Variants in WIF1 observed in about 807,000 individuals in gnomAD.
WIF1 encodes the protein Wnt inhibitory factor 1.
Under a neutral mutation model 53.5 loss-of-function variants are expected in WIF1, and 35 were observed. The ratio of observed to expected loss-of-function variants is 0.65; its 90% CI spans 0.50 to 0.87. WIF1 has a LOEUF of 0.87. WIF1 is among the 40% of genes least tolerant of loss of function. The pLI, the probability that WIF1 is intolerant of heterozygous loss-of-function variation, is 0.00. For synonymous variants in WIF1, 171 were observed against 170.4 expected (o/e 1.00, Z -0.03); for missense variants, 467 against 476.8 (o/e 0.98, Z 0.19).
chr12:65,113,675 C>T (rs1164941783), intron 2 of WIF1, among the ~76,000 whole-genome samples: 1 of 152,102 alleles, frequency 6.6e-6, no homozygotes, highest in African/African-American at 2.4e-5. Context: ...AGATGGCTGG[C>T]ACATGCCTGC....
intron 2 of WIF1, among the ~76,000 whole-genome samples, chr12:65,090,455 T>G (rs1355995942): frequency 6.6e-6 from 1 of 152,144 alleles, no homozygotes; most frequent in African/African-American, 2.4e-5. Context: ...GCTTGCAGGC[T>G]GGAAGGGAGC....
At chr12:65,077,548 G>A (rs1288812751) in intron 3 of WIF1, among the ~76,000 whole-genome samples, 198 bp downstream of exon 3, 2 of 151,950 alleles carry the variant, frequency 1.3e-5, no homozygotes, top group African/African-American at 2.4e-5. Context: ...TGAATCTTTA[G>A]AAAATTATAT....
At position 65,050,852 on chromosome 12, in the gene WIF1, G is replaced by C. The variant is rs73329366; in HGVS notation, c.*497C>G. 25 of 206,900 alleles carry C rather than the reference G, an allele frequency of 1.2e-4. No individual in the cohort carries two copies. The highest frequency in any genetic ancestry group is 5.5e-4 in the African/African-American group (24 of 43,722). The allele number at this position is 206,900 out of a possible 1,614,324, so 12.8% of individuals were successfully genotyped here. On this transcript the variant is annotated 3_prime_UTR_variant, in exon 10 of 10. Coordinates refer to ENST00000286574, the MANE Select transcript of WIF1 (RefSeq NM_007191.5). ...TTAATACTGAATCTCTGGAATAATG[G>C]TAAGGTCAAAATATATTGTATTGAG...
At chr12:65,105,161 T>C (rs556480063) in intron 2 of WIF1, among the ~76,000 whole-genome samples, 9 of 152,154 alleles carry the variant, frequency 5.9e-5, no homozygotes, top group African/African-American at 2.2e-4. Flanking sequence ...TTCAGCTGTG[T>C]CTCTGGTGGT....
At chr12:65,093,425 C>T (rs1353436302) in intron 2 of WIF1, among the ~76,000 whole-genome samples, 1 of 152,062 alleles carries the variant, frequency 6.6e-6, no homozygotes, top group African/African-American at 2.4e-5. Flanking sequence ...TTAGGACACA[C>T]CTGAGCCCTC....
rs903314555 is a variant in WIF1 at position 65,101,724 on chromosome 12, A to G, written c.288+18693T>C. Among the ~76,000 whole-genome samples the G allele has an allele frequency of 4.6e-5, 7 of 152,226 alleles. No homozygotes were observed. The East Asian group carries it at 1.3e-3, about 29-fold the overall frequency. ...TTAGAGTTGAAAATAAAAAACCCTT[A>G]TAATTTGCCAATGAGGACAAAAGTG... On this transcript the variant is annotated intron_variant, in intron 2 of 9. Transcript: ENST00000286574.
intron 1 of WIF1, 34 bp downstream of exon 1, chr12:65,121,010 A>T: frequency 7.0e-7 from 1 of 1,430,740 alleles, no homozygotes; most frequent in Non-Finnish European, 9.2e-7. Flanking sequence ...AGGAGGACAT[A>T]GGCAGGGGAA....
At chr12:65,060,961 A>G (rs1288279739) in intron 7 of WIF1, among the ~76,000 whole-genome samples, 3 of 152,292 alleles carry the variant, frequency 2.0e-5, no homozygotes, top group Admixed American at 2.0e-4. Context: ...AGATTCATAA[A>G]CCTAAGAACA....
intron 2 of WIF1, among the ~76,000 whole-genome samples, chr12:65,094,389 T>C (rs1414005354): frequency 1.3e-5 from 2 of 152,190 alleles, no homozygotes; most frequent in Admixed American, 1.3e-4. Flanking sequence ...AAAGACATGC[T>C]CTCATGTGAA....
chr12:65,072,013 G>A (rs1424393166), intron 3 of WIF1, among the ~76,000 whole-genome samples: 1 of 151,818 alleles, frequency 6.6e-6, no homozygotes, highest in Non-Finnish European at 1.5e-5. Flanking sequence ...AACCCTACTT[G>A]TCTTCGTTTC....
Position 65,063,571 on chromosome 12 carries a change from G to GA in WIF1, c.731-996dup, listed in dbSNP as rs199576071. Among the ~76,000 whole-genome samples, 16 of 150,358 alleles carry GA rather than the reference G, an allele frequency of 1.1e-4. No individual in the cohort carries two copies. The East Asian group carries it at 1.6e-3, about 15-fold the overall frequency. On this transcript the variant is annotated intron_variant, in intron 6 of 9. Transcript: ENST00000286574. ...TTCTAAGTGTATGCTTTCTTTGTGG[G>GA]AAAAAAAAAGTCCACAAAGCAAAAT...
intron 2 of WIF1, among the ~76,000 whole-genome samples, chr12:65,105,359 G>A (rs1883337654): frequency 6.6e-6 from 1 of 152,160 alleles, no homozygotes; most frequent in Non-Finnish European, 1.5e-5. Context: ...CTTAACATTG[G>A]TGTACTTCAC....
At chr12:65,094,695 A>G (rs750876251) in intron 2 of WIF1, among the ~76,000 whole-genome samples, 20 of 152,292 alleles carry the variant, frequency 1.3e-4, no homozygotes, top group Non-Finnish European at 2.6e-4. Flanking sequence ...TGTACTAAAC[A>G]TGAGATCTTT....
chr12:65,088,516 A>G (rs1883076031), intron 2 of WIF1, among the ~76,000 whole-genome samples: 1 of 152,118 alleles, frequency 6.6e-6, no homozygotes, highest in Non-Finnish European at 1.5e-5. Context: ...CCATGGCCTC[A>G]GTTTTCTTGC....
chr12:65,052,700 G>C (rs1199733153), intron 9 of WIF1, among the ~76,000 whole-genome samples: 2 of 152,140 alleles, frequency 1.3e-5, no homozygotes, highest in East Asian at 3.9e-4. Flanking sequence ...TCAAGCACCA[G>C]GTCATCTTCT....
chr12:65,119,515 T>C (rs1883564051), intron 2 of WIF1, among the ~76,000 whole-genome samples: 1 of 152,224 alleles, frequency 6.6e-6, no homozygotes, highest in Non-Finnish European at 1.5e-5. Context: ...TTTTATAAAG[T>C]GTTTTCGGTA....
intron 6 of WIF1, among the ~76,000 whole-genome samples, chr12:65,065,953 T>C (rs980081896): frequency 2.0e-5 from 3 of 152,128 alleles, no homozygotes; most frequent in Non-Finnish European, 2.9e-5. Flanking sequence ...GGGATGTGAT[T>C]TGTGAGCAGA....
At chr12:65,108,122 G>T (rs1482582117) in intron 2 of WIF1, among the ~76,000 whole-genome samples, 1 of 152,142 alleles carries the variant, frequency 6.6e-6, no homozygotes, top group African/African-American at 2.4e-5. Flanking sequence ...TCTTCATACT[G>T]CAATTATAAT....
chr12:65,102,229 G>C (rs61924766), intron 2 of WIF1, among the ~76,000 whole-genome samples: 29,981 of 152,096 alleles, frequency 0.2, 3,252 homozygotes, highest in Admixed American at 0.25. Flanking sequence ...GTTCTCCAGA[G>C]AAACAGAACC....
Sources: gnomAD v4.1 joint callset for allele counts (sites outside exome capture counted in the v4.1 genomes callset) on GRCh38, gnomAD v4.1.1 for gene constraint, MANE v1.5 for transcripts, NCBI Gene and HGNC (gene_info 2026-07-23, HGNC 2026-07-21) for gene names.